Variants in SGCZ observed in about 807,000 individuals in gnomAD.
SGCZ encodes sarcoglycan zeta.
In SGCZ, 40 loss-of-function variants were observed where a neutral mutation model predicts 41.3. The ratio of observed to expected loss-of-function variants is 0.97; its 90% CI spans 0.75 to 1.26. The LOEUF (loss-of-function observed/expected upper bound fraction) is 1.26, where lower values mean the gene tolerates loss of function less well. SGCZ is among the 50% of genes most tolerant of loss of function. The pLI is 0.00. For synonymous variants in SGCZ, 206 were observed against 137.5 expected (o/e 1.50, Z -3.49); for missense variants, 552 against 369.8 (o/e 1.49, Z -4.04).
chr8:14,987,641 A>G (rs757253765), intron 1 of SGCZ, among the ~76,000 whole-genome samples: 2 of 151,994 alleles, frequency 1.3e-5, no homozygotes, highest in Non-Finnish European at 1.5e-5. Context: ...AAGTATTCCA[A>G]GAATCTTTTG....
chr8:14,657,247 C>T (rs943142529), intron 1 of SGCZ, among the ~76,000 whole-genome samples: 3 of 152,054 alleles, frequency 2.0e-5, no homozygotes, highest in African/African-American at 4.8e-5. Context: ...TGTATTCTCC[C>T]GGGTTCCCTC....
At chr8:14,119,493 C>G (rs560730385) in intron 5 of SGCZ, among the ~76,000 whole-genome samples, 5 of 152,110 alleles carry the variant, frequency 3.3e-5, no homozygotes, top group Non-Finnish European at 5.9e-5. Flanking sequence ...AATATACAAT[C>G]ATGACATCTG....
intron 1 of SGCZ, among the ~76,000 whole-genome samples, chr8:15,154,590 C>T (rs1418929003): frequency 6.6e-6 from 1 of 152,202 alleles, no homozygotes; most frequent in East Asian, 1.9e-4. Context: ...GAGGCAGAAA[C>T]TTCAGAATGC....
chr8:14,289,575 A>T (rs1343443619), intron 3 of SGCZ, among the ~76,000 whole-genome samples: 1 of 152,108 alleles, frequency 6.6e-6, no homozygotes, highest in Non-Finnish European at 1.5e-5. Flanking sequence ...TCAACTGACC[A>T]TTGGTCTATG....
intron 1 of SGCZ, among the ~76,000 whole-genome samples, chr8:15,229,968 G>T (rs935329856): frequency 6.6e-6 from 1 of 152,138 alleles, no homozygotes; most frequent in Non-Finnish European, 1.5e-5. Context: ...TTAAAGCATT[G>T]CATGCCTCCA....
At chr8:14,449,530 C>A (rs1800530930) in intron 2 of SGCZ, among the ~76,000 whole-genome samples, 1 of 152,042 alleles carries the variant, frequency 6.6e-6, no homozygotes, top group Non-Finnish European at 1.5e-5. Context: ...AATTACTATT[C>A]CTAGCTGGAT....
At chr8:14,466,927 C>G (rs764412490) in intron 2 of SGCZ, among the ~76,000 whole-genome samples, 1 of 151,716 alleles carries the variant, frequency 6.6e-6, no homozygotes, top group Non-Finnish European at 1.5e-5. Context: ...ATCTTTGTCT[C>G]GTGGATCTGT....
intron 1 of SGCZ, among the ~76,000 whole-genome samples, chr8:14,839,941 ATATTC>A (rs1332124164): frequency 6.6e-6 from 1 of 152,134 alleles, no homozygotes; most frequent in African/African-American, 2.4e-5. Flanking sequence ...TGCAAGATGT[ATATTC>A]TAATTTGTAG....
At chr8:14,648,987 AC>A (rs747216679) in intron 1 of SGCZ, among the ~76,000 whole-genome samples, 1 of 152,064 alleles carries the variant, frequency 6.6e-6, no homozygotes, top group Non-Finnish European at 1.5e-5. Flanking sequence ...AAACATTTAT[AC>A]TTTTTCCCCC....
intron 2 of SGCZ, among the ~76,000 whole-genome samples, chr8:14,458,405 G>C (rs1800809629): frequency 1.3e-5 from 2 of 152,106 alleles, no homozygotes; most frequent in South Asian, 4.1e-4. Flanking sequence ...GTTTCTCACA[G>C]GGTTATGCGT....
intron 3 of SGCZ, among the ~76,000 whole-genome samples, chr8:14,313,009 A>C (rs1358937050): frequency 6.6e-6 from 1 of 152,202 alleles, no homozygotes; most frequent in Admixed American, 6.6e-5. Flanking sequence ...GGTTAAGGAC[A>C]TAAGGATCAA....
intron 1 of SGCZ, among the ~76,000 whole-genome samples, chr8:15,205,381 A>T (rs529451796): frequency 6.6e-6 from 1 of 152,356 alleles, no homozygotes; most frequent in East Asian, 1.9e-4. Flanking sequence ...AATATCCAGC[A>T]TCTATAAGGA....
chr8:14,244,568 C>T (rs1009403241), intron 3 of SGCZ, among the ~76,000 whole-genome samples: 25 of 151,986 alleles, frequency 1.6e-4, no homozygotes, highest in South Asian at 1.3e-3. Context: ...ATTGACTTGG[C>T]GATGCGGGCT....
At chr8:14,693,686 G>A (rs1808873480) in intron 1 of SGCZ, among the ~76,000 whole-genome samples, 1 of 146,968 alleles carries the variant, frequency 6.8e-6, no homozygotes, top group African/African-American at 2.6e-5. Context: ...CGCCTCCCGG[G>A]TATAAGTGAT....
intron 1 of SGCZ, among the ~76,000 whole-genome samples, chr8:15,077,150 A>C (rs540260456): frequency 1.3e-5 from 2 of 152,322 alleles, no homozygotes; most frequent in African/African-American, 4.8e-5. Context: ...AAAAGTCAGA[A>C]GTTCACTCGA....
intron 1 of SGCZ, among the ~76,000 whole-genome samples, chr8:14,642,238 T>A (rs1209672652): frequency 6.6e-6 from 1 of 151,594 alleles, no homozygotes; most frequent in Non-Finnish European, 1.5e-5. Context: ...TGGGACAAAA[T>A]CATTTACAAA....
intron 2 of SGCZ, among the ~76,000 whole-genome samples, chr8:14,344,223 C>A (rs1026764520): frequency 6.6e-6 from 1 of 151,702 alleles, no homozygotes; most frequent in Non-Finnish European, 1.5e-5. Context: ...GACCAGTAGA[C>A]CTTAGATAAG....
intron 1 of SGCZ, among the ~76,000 whole-genome samples, chr8:15,222,692 G>C (rs919464970): frequency 6.6e-6 from 1 of 152,008 alleles, no homozygotes; most frequent in Non-Finnish European, 1.5e-5. Context: ...GGCTGGTCAA[G>C]GTCTTAGAAG....
At chr8:14,271,663 G>T (rs1800063558) in intron 3 of SGCZ, among the ~76,000 whole-genome samples, 1 of 152,106 alleles carries the variant, frequency 6.6e-6, no homozygotes, top group Non-Finnish European at 1.5e-5. Context: ...GTTTTCTGCT[G>T]GAGATGAAAC....
Sources: gnomAD v4.1 joint callset for allele counts (sites outside exome capture counted in the v4.1 genomes callset) on GRCh38, gnomAD v4.1.1 for gene constraint, MANE v1.5 for transcripts, NCBI Gene and HGNC (gene_info 2026-07-23, HGNC 2026-07-21) for gene names.